GRK4: variants seen among roughly 807,000 people sequenced by gnomAD.
GRK4 encodes the protein G protein-coupled receptor kinase 2-like.
In GRK4, 73 loss-of-function variants were observed where a neutral mutation model predicts 77.9. That is an observed-to-expected ratio of 0.94 (90% CI 0.78 to 1.14). The LOEUF (loss-of-function observed/expected upper bound fraction) is 1.14. GRK4 is among the 50% of genes most tolerant of loss of function. The pLI, the probability that GRK4 is intolerant of heterozygous loss-of-function variation, is 0.00. For synonymous variants in GRK4, 257 were observed against 254.4 expected, an observed-to-expected ratio of 1.01 and a Z score of -0.10; for missense variants, 729 against 700.2, an observed-to-expected ratio of 1.04 and a Z score of -0.46.
chr4:2,963,721 C>T lies in GRK4; in HGVS notation c.-350C>T, dbSNP rs1716429774. ...AGCCACGGCATTGACTCGGGGCTGC[C>T]CGGGGGCAGGGCACTGAGGAGGGAG... is the stretch of plus-strand genomic sequence containing the variant. On this transcript the variant is annotated 5_prime_UTR_variant, in exon 1 of 16. Coordinates refer to ENST00000398052, the MANE Select transcript of GRK4 (RefSeq NM_182982.3). The T allele has an allele frequency of 2.4e-6, 1 of 411,644 alleles. No homozygotes were observed. The highest frequency in any genetic ancestry group is 3.7e-5 in the South Asian group (1 of 26,894). The allele number at this position is 411,644 out of a possible 1,614,324, so 25.5% of individuals were successfully genotyped here.
chr4:2,988,795 A>G lies in GRK4; in HGVS notation c.217A>G (p.Thr73Ala). ...ACGTCTCTTCAGGCAGTTCTGTGAT[A>G]CCAAACCCACTCTAAAGAGGCACAT... ...GRRLFRQFCD[T>A]KPTLKRHIEF... The change falls in exon 3 of 16, where the codon ACC becomes GCC. Residue 73 changes from threonine (T) to alanine (A), a missense_variant. Transcript: ENST00000398052. 1 of 1,613,066 alleles carries G rather than the reference A, an allele frequency of 6.2e-7. No individual in the cohort carries two copies. Among genetic ancestry groups the G allele is most frequent in the Non-Finnish European group, 8.5e-7 (1 of 1,179,124 alleles).
chr4:2,981,702 C>A (rs975179213), intron 1 of GRK4, among the ~76,000 whole-genome samples: 3 of 152,250 alleles, frequency 2.0e-5, no homozygotes, highest in Admixed American at 2.0e-4. Flanking sequence ...AGTTCTCACT[C>A]CAGTCTGCAG....
intron 7 of GRK4, among the ~76,000 whole-genome samples, chr4:3,012,473 T>TA (rs1429490986): frequency 2.8e-4 from 43 of 152,362 alleles, no homozygotes; most frequent in African/African-American, 8.9e-4. Context: ...GGTGAGTTTT[T>TA]ATCACTGTCC....
intron 13 of GRK4, among the ~76,000 whole-genome samples, chr4:3,036,701 T>C (rs1279376777): frequency 6.6e-6 from 1 of 152,170 alleles, no homozygotes; most frequent in Non-Finnish European, 1.5e-5. Flanking sequence ...TGGGTTCCTG[T>C]CCCAGAGGAG....
At chr4:3,016,756 G>A (rs964707916) in intron 8 of GRK4, among the ~76,000 whole-genome samples, 6 of 151,660 alleles carry the variant, frequency 4.0e-5, no homozygotes, top group South Asian at 2.1e-4. Flanking sequence ...AAAAACCCCC[G>A]TGTAACTACC....
intron 15 of GRK4, among the ~76,000 whole-genome samples, chr4:3,039,279 C>G (rs114798554): frequency 0.014 from 2,207 of 152,340 alleles, 23 homozygotes; most frequent in Admixed American, 0.034. Context: ...TAAATGTAGA[C>G]AAGCCTTTTT....
At chr4:3,005,964 T>C (rs1432567527) in intron 5 of GRK4, among the ~76,000 whole-genome samples, 1 of 152,108 alleles carries the variant, frequency 6.6e-6, no homozygotes, top group Non-Finnish European at 1.5e-5. Context: ...CACAGATAAA[T>C]GGCATGCATC....
At chr4:3,032,070 C>T (rs1236059289) in intron 12 of GRK4, among the ~76,000 whole-genome samples, 1 of 152,140 alleles carries the variant, frequency 6.6e-6, no homozygotes, top group Non-Finnish European at 1.5e-5. Context: ...ATGGAGTCTT[C>T]CTCCCACAGG....
intron 7 of GRK4, among the ~76,000 whole-genome samples, chr4:3,011,175 G>A (rs1175847707): frequency 6.6e-6 from 1 of 152,122 alleles, no homozygotes; most frequent in Admixed American, 6.5e-5. Flanking sequence ...CTGGAACATG[G>A]GTCATGTGTT....
At chr4:3,023,940 GA>G (rs1736747303) in intron 10 of GRK4, among the ~76,000 whole-genome samples, 1 of 152,176 alleles carries the variant, frequency 6.6e-6, no homozygotes, top group African/African-American at 2.4e-5. Flanking sequence ...GGACAATCAT[GA>G]GAAATGGTTA....
chr4:3,007,923 A>G, intron 6 of GRK4, 95 bp downstream of exon 6: 1 of 799,054 alleles, frequency 1.3e-6, no homozygotes, highest in Non-Finnish European at 2.1e-6. Flanking sequence ...GGATTGCTTA[A>G]GCCCAAGACT....
intron 12 of GRK4, among the ~76,000 whole-genome samples, chr4:3,031,472 C>T (rs1739150686): frequency 6.6e-6 from 1 of 152,172 alleles, no homozygotes; most frequent in Admixed American, 6.5e-5. Flanking sequence ...TCAGAGCCAG[C>T]AGGGAGCTGC....
At position 3,029,190 on chromosome 4, in the gene GRK4, TTG is replaced by T. The variant is rs1684320238; in HGVS notation, c.1061-9_1061-8del. Reference sequence around the variant, plus strand: ...TTAACTTAATTTCCATTTCCTGTATTTGTTATGTAGCACCTGAAGTTGTCAAT... The same window carrying T: ...TTAACTTAATTTCCATTTCCTGTATTTTATGTAGCACCTGAAGTTGTCAAT... On this transcript the variant is annotated splice_polypyrimidine_tract_variant and intron_variant, in intron 11 of 15. Coordinates refer to ENST00000398052, the MANE Select transcript of GRK4 (RefSeq NM_182982.3). 3 of 1,590,452 alleles carry T rather than the reference TTG, an allele frequency of 1.9e-6. No homozygotes were observed. The highest frequency in any genetic ancestry group is 2.6e-6 in the Non-Finnish European group (3 of 1,164,218).
At chr4:2,979,746 G>T (rs1722327081) in intron 1 of GRK4, among the ~76,000 whole-genome samples, 1 of 152,192 alleles carries the variant, frequency 6.6e-6, no homozygotes. Flanking sequence ...ATGTGTGGTG[G>T]TGCATGCTTG....
intron 1 of GRK4, among the ~76,000 whole-genome samples, chr4:2,973,169 G>C (rs1720086786): frequency 6.6e-6 from 1 of 152,186 alleles, no homozygotes; most frequent in Non-Finnish European, 1.5e-5. Flanking sequence ...CTGCCCCCGT[G>C]GGCTGCACTG....
chr4:3,015,098 T>A (rs1188856445), intron 8 of GRK4, among the ~76,000 whole-genome samples: 2 of 152,158 alleles, frequency 1.3e-5, no homozygotes, highest in Non-Finnish European at 2.9e-5. Context: ...GACAGAACAT[T>A]GGGCGGACTG....
At chr4:3,019,051 A>G (rs1441074743) in intron 8 of GRK4, among the ~76,000 whole-genome samples, 1 of 151,930 alleles carries the variant, frequency 6.6e-6, no homozygotes, top group East Asian at 1.9e-4. Flanking sequence ...GTGTGTGTGA[A>G]CTGACATACA....
At chr4:2,988,245 T>C (rs566873226) in intron 2 of GRK4, among the ~76,000 whole-genome samples, 2 of 152,208 alleles carry the variant, frequency 1.3e-5, no homozygotes, top group South Asian at 4.1e-4. Flanking sequence ...CTCTTTATTT[T>C]TCATTGAATC....
intron 1 of GRK4, among the ~76,000 whole-genome samples, chr4:2,984,083 G>T (rs1350662773): frequency 6.6e-6 from 1 of 152,286 alleles, no homozygotes; most frequent in East Asian, 1.9e-4. Context: ...TTTGGGTGGG[G>T]ACACAGAGCC....
Sources: allele counts gnomAD v4.1 joint callset (sites outside exome capture counted in the v4.1 genomes callset), GRCh38; gene constraint gnomAD v4.1.1; transcripts MANE v1.5; gene names NCBI Gene and HGNC (gene_info 2026-07-23, HGNC 2026-07-21).